The following RGPD2 variants were observed in gnomAD, a reference collection of about 807,000 sequenced individuals.
The protein encoded by RGPD2 is RANBP2-like and GRIP domain-containing protein 2.
RGPD2 carries 2 observed loss-of-function variants against 36.0 expected under a neutral mutation model. That is an observed-to-expected ratio of 0.06 (90% CI 0.02 to 0.17). The LOEUF (loss-of-function observed/expected upper bound fraction) is 0.17, where lower values mean the gene tolerates loss of function less well. Ranked by LOEUF, RGPD2 falls within the 10% of genes least tolerant of loss-of-function variation. The pLI, the probability that RGPD2 is intolerant of heterozygous loss-of-function variation, is 1.00. For missense variants in RGPD2, 40 were observed against 464.3 expected (o/e 0.09, Z 8.40); for synonymous variants, 19 against 163.8 (o/e 0.12, Z 6.75).
the RGPD2 span, among the ~76,000 whole-genome samples, chr2:87,906,902 A>G: frequency 6.9e-6 from 1 of 144,048 alleles, no homozygotes; most frequent in African/African-American, 2.6e-5. Flanking sequence ...CCTTGGTGAC[A>G]GAGTGAGACC....
the RGPD2 span, among the ~76,000 whole-genome samples, chr2:87,840,369 T>A: frequency 7.2e-5 from 10 of 139,572 alleles, no homozygotes; most frequent in Admixed American, 2.2e-4. Context: ...CCATACTCAT[T>A]GATTTTGAAC....
At chr2:87,966,604 C>T in the RGPD2 span, among the ~76,000 whole-genome samples, 113 of 152,344 alleles carry the variant, frequency 7.4e-4, no homozygotes, top group African/African-American at 2.0e-3. Context: ...TGGAGAATTT[C>T]GAGTCCCCAA....
At chr2:87,798,728 C>A (rs1340518781) in intron 8 of RGPD2, among the ~76,000 whole-genome samples, 1 of 139,324 alleles carries the variant, frequency 7.2e-6, no homozygotes, top group African/African-American at 2.6e-5. Context: ...ATTAGCCGGC[C>A]CTGGTGGCGG....
At chr2:87,860,817 A>G in the RGPD2 span, among the ~76,000 whole-genome samples, 1 of 152,116 alleles carries the variant, frequency 6.6e-6, no homozygotes, top group South Asian at 2.1e-4. Flanking sequence ...AGAAAAAAGT[A>G]TGGCTTCTCT....
the RGPD2 span, among the ~76,000 whole-genome samples, chr2:87,863,785 A>T: frequency 1.3e-5 from 2 of 152,170 alleles, no homozygotes; most frequent in Non-Finnish European, 2.9e-5. Context: ...ATAATAATTT[A>T]AAATAAAACA....
the RGPD2 span, among the ~76,000 whole-genome samples, chr2:87,842,700 G>T: frequency 6.6e-6 from 1 of 151,436 alleles, no homozygotes; most frequent in Non-Finnish European, 1.5e-5. Context: ...CACAGAATTG[G>T]AAAAAACTAC....
At chr2:87,910,995 A>G in the RGPD2 span, among the ~76,000 whole-genome samples, 1 of 151,042 alleles carries the variant, frequency 6.6e-6, no homozygotes, top group African/African-American at 2.4e-5. Flanking sequence ...AGGAGACAGT[A>G]TAAACATAGT....
At chr2:87,885,467 T>C in the RGPD2 span, among the ~76,000 whole-genome samples, 325 of 152,032 alleles carry the variant, frequency 2.1e-3, 2 homozygotes, top group African/African-American at 7.3e-3. Context: ...TTCTCACTAC[T>C]TCTGTTAAAT....
the RGPD2 span, among the ~76,000 whole-genome samples, chr2:87,840,003 G>T: frequency 6.7e-6 from 1 of 150,340 alleles, no homozygotes; most frequent in African/African-American, 2.4e-5. Flanking sequence ...GAAATAAATT[G>T]TGGTTCATCC....
At chr2:87,952,352 CTT>C in the RGPD2 span, among the ~76,000 whole-genome samples, 1 of 151,904 alleles carries the variant, frequency 6.6e-6, no homozygotes, top group African/African-American at 2.4e-5. Context: ...GAAGGTGAAA[CTT>C]AATATTAGAG....
the RGPD2 span, among the ~76,000 whole-genome samples, chr2:87,939,883 C>T: frequency 6.6e-6 from 1 of 151,928 alleles, no homozygotes; most frequent in Non-Finnish European, 1.5e-5. Context: ...ATTCATAACA[C>T]ATAAACCAAA....
At chr2:87,929,475 T>TGTGTG in the RGPD2 span, among the ~76,000 whole-genome samples, 17 of 147,492 alleles carry the variant, frequency 1.2e-4, no homozygotes, top group East Asian at 1.2e-3. Context: ...TTTGTTTTTT[T>TGTGTG]TGTGTGTGTG....
chr2:87,864,784 A>AT, the RGPD2 span, among the ~76,000 whole-genome samples: 1 of 152,298 alleles, frequency 6.6e-6, no homozygotes, highest in Non-Finnish European at 1.5e-5. Context: ...CCTTTTGACC[A>AT]TTTTCCAGTT....
intron 6 of RGPD2, among the ~76,000 whole-genome samples, chr2:87,809,514 A>G (rs1372306944): frequency 7.5e-6 from 1 of 132,726 alleles, no homozygotes; most frequent in Admixed American, 7.7e-5. Context: ...TAAAAATACA[A>G]AAAAATTAGC....
chr2:87,864,676 C>T, the RGPD2 span, among the ~76,000 whole-genome samples: 1 of 152,278 alleles, frequency 6.6e-6, no homozygotes, highest in Non-Finnish European at 1.5e-5. Context: ...TTCTCTTGCC[C>T]CTTTTTCTCT....
At chr2:87,988,541 A>ATATATATATATATATATATATATATATAT in the RGPD2 span, among the ~76,000 whole-genome samples, 2 of 54,150 alleles carry the variant, frequency 3.7e-5, no homozygotes, top group Non-Finnish European at 8.4e-5. Flanking sequence ...ATATATATAT[A>ATATATATATATATATATATATATATATAT]TTTTTTTTTT....
At chr2:87,869,914 G>A in the RGPD2 span, among the ~76,000 whole-genome samples, 1 of 152,342 alleles carries the variant, frequency 6.6e-6, no homozygotes, top group African/African-American at 2.4e-5. Context: ...ATTACACCTT[G>A]TTCTTCTGAT....
At chr2:87,913,843 T>G in the RGPD2 span, among the ~76,000 whole-genome samples, 2 of 152,102 alleles carry the variant, frequency 1.3e-5, no homozygotes, top group Non-Finnish European at 2.9e-5. Flanking sequence ...ATTTTACAAA[T>G]CAAATACTTT....
the RGPD2 span, among the ~76,000 whole-genome samples, chr2:87,853,207 CT>C: frequency 3.7e-4 from 48 of 128,330 alleles, no homozygotes; most frequent in East Asian, 8.5e-4. Context: ...TATGTTGTCA[CT>C]TTTTTTTTTG....
Sources: gnomAD v4.1 joint callset for allele counts (sites outside exome capture counted in the v4.1 genomes callset) on GRCh38, gnomAD v4.1.1 for gene constraint, MANE v1.5 for transcripts, NCBI Gene and HGNC (gene_info 2026-07-23, HGNC 2026-07-21) for gene names.